The following KBTBD12 variants were observed in gnomAD, a reference collection of about 807,000 sequenced individuals.
KBTBD12 encodes kelch repeat and BTB domain-containing protein 12.
Under a neutral mutation model 58.7 loss-of-function variants are expected in KBTBD12, and 53 were observed. The ratio of observed to expected loss-of-function variants is 0.90; its 90% confidence interval spans 0.72 to 1.14. KBTBD12 has a LOEUF of 1.14. Ranked by LOEUF, KBTBD12 falls within the 50% of genes most tolerant of loss-of-function variation. KBTBD12 has a pLI of 0.00. For synonymous variants in KBTBD12, 236 were observed against 259.8 expected (o/e 0.91, Z 0.88); for missense variants, 704 against 751.3 (o/e 0.94, Z 0.74).
rs1188704455 is a variant in KBTBD12 at position 127,975,066 on chromosome 3, G to C, written c.1691-9031G>C. Reference sequence around the variant, plus strand: ...TTTGAGTGCAAATAGTTTTTTGATGGGAAAGTGCTTCCAGGAGGCTACTAA... The same window carrying C: ...TTTGAGTGCAAATAGTTTTTTGATGCGAAAGTGCTTCCAGGAGGCTACTAA... On this transcript the variant is annotated intron_variant, in intron 5 of 5. Transcript: ENST00000405109. Among the ~76,000 whole-genome samples, 3 of 152,304 alleles carry C rather than the reference G, an allele frequency of 2.0e-5. No individual in the cohort carries two copies. The East Asian group carries it at 5.8e-4, about 29-fold the overall frequency.
chr3:127,970,449 A>G (rs1182378601), intron 5 of KBTBD12, among the ~76,000 whole-genome samples: 1 of 152,226 alleles, frequency 6.6e-6, no homozygotes, highest in African/African-American at 2.4e-5. Context: ...TTGAAAATAT[A>G]TGCCCACCCT....
intron 5 of KBTBD12, among the ~76,000 whole-genome samples, chr3:127,982,482 T>G (rs1940890347): frequency 6.6e-6 from 1 of 152,034 alleles, no homozygotes; most frequent in African/African-American, 2.4e-5. Flanking sequence ...CTGAAATTAT[T>G]CAAACCAGCC....
In KBTBD12 at chr3:127,986,396, G is replaced by A. The variant is rs115907249; in HGVS notation, c.*2118G>A. ...TATCATCACTGTCATTATCATTGCA[G>A]TCAGCACTTCCCAAAGCAAGGTGCC... On this transcript the variant is annotated 3_prime_UTR_variant, in exon 6 of 6. Transcript: ENST00000405109. The A allele has an allele frequency of 0.016, 2,434 of 152,538 alleles. 22 individuals carry two copies. The highest frequency in any genetic ancestry group is 0.023 in the Non-Finnish European group (1,579 of 68,012). The allele number at this position is 152,538 out of a possible 1,614,324, so 9.4% of individuals were successfully genotyped here. A position where few individuals can be genotyped will look rare whatever the true frequency, so the allele number is the denominator to read the frequency against.
intron 4 of KBTBD12, among the ~76,000 whole-genome samples, chr3:127,936,970 G>A (rs1012100676): frequency 2.6e-5 from 4 of 152,108 alleles, no homozygotes; most frequent in African/African-American, 9.7e-5. Context: ...GAAAAAGCTT[G>A]AATCATGAAT....
Position 127,918,777 on chromosome 3 carries a change from G to C in KBTBD12, c.-113+3191G>C, listed in dbSNP as rs551340977. On this transcript the variant is annotated intron_variant, in intron 1 of 5. Coordinates refer to ENST00000405109, the MANE Select transcript of KBTBD12 (RefSeq NM_207335.4). ...AAGGCCCATATGCGTTAGAACTGTA[G>C]TAGTTTGGTACTACTCAAAGATTGA... Among the ~76,000 whole-genome samples, 14 of 152,134 alleles carry C rather than the reference G, an allele frequency of 9.2e-5. No homozygotes were observed. The East Asian group carries it at 9.7e-4, about 10-fold the overall frequency.
intron 3 of KBTBD12, among the ~76,000 whole-genome samples, chr3:127,929,429 G>T (rs191085008): frequency 6.6e-6 from 1 of 152,206 alleles, no homozygotes; most frequent in East Asian, 1.9e-4. Context: ...GTCATATTAA[G>T]TTCCACATAC....
intron 4 of KBTBD12, among the ~76,000 whole-genome samples, chr3:127,942,593 T>C (rs1393143856): frequency 6.6e-6 from 1 of 150,506 alleles, no homozygotes; most frequent in Non-Finnish European, 1.5e-5. Context: ...TTGTGAATGC[T>C]GCAATGAAGA....
intron 5 of KBTBD12, among the ~76,000 whole-genome samples, chr3:127,979,763 A>G (rs1940843120): frequency 6.6e-6 from 1 of 152,224 alleles, no homozygotes; most frequent in Non-Finnish European, 1.5e-5. Context: ...TCATAGATAT[A>G]TAGAATCCTC....
chr3:127,969,283 G>C (rs1940641666), intron 5 of KBTBD12, among the ~76,000 whole-genome samples: 1 of 151,584 alleles, frequency 6.6e-6, no homozygotes. Context: ...CACTTACAAT[G>C]AACAATTAAA....
At chr3:127,972,100 C>A (rs578066729) in intron 5 of KBTBD12, among the ~76,000 whole-genome samples, 1 of 152,292 alleles carries the variant, frequency 6.6e-6, no homozygotes, top group Non-Finnish European at 1.5e-5. Context: ...CTGACAGTTA[C>A]CTGGTTACCC....
chr3:127,947,105 G>A (rs754557980), intron 4 of KBTBD12, among the ~76,000 whole-genome samples: 1 of 151,840 alleles, frequency 6.6e-6, no homozygotes, highest in Non-Finnish European at 1.5e-5. Context: ...TCACAAGTCT[G>A]CTTCTGTTAT....
intron 1 of KBTBD12, among the ~76,000 whole-genome samples, chr3:127,916,868 C>G (rs1939256005): frequency 1.3e-5 from 2 of 152,184 alleles, no homozygotes; most frequent in African/African-American, 4.8e-5. Context: ...CATAGTGCAT[C>G]ACGCTATAAG....
At chr3:127,972,364 G>A (rs991183435) in intron 5 of KBTBD12, among the ~76,000 whole-genome samples, 1 of 152,150 alleles carries the variant, frequency 6.6e-6, no homozygotes, top group Admixed American at 6.5e-5. Context: ...TGGGGCCTGG[G>A]CATCAATATT....
intron 4 of KBTBD12, among the ~76,000 whole-genome samples, chr3:127,958,512 T>G (rs537900961): frequency 1.3e-5 from 2 of 152,290 alleles, no homozygotes; most frequent in South Asian, 4.2e-4. Context: ...TAAGACCCAG[T>G]GCTGGGTTGA....
intron 4 of KBTBD12, among the ~76,000 whole-genome samples, chr3:127,936,288 C>G (rs1168115412): frequency 6.6e-6 from 1 of 151,938 alleles, no homozygotes; most frequent in Admixed American, 6.6e-5. Context: ...ATCTCTTGAA[C>G]CCGGGAGACA....
At chr3:127,935,617 G>A (rs1939813033) in intron 4 of KBTBD12, among the ~76,000 whole-genome samples, 1 of 151,990 alleles carries the variant, frequency 6.6e-6, no homozygotes, top group Non-Finnish European at 1.5e-5. Flanking sequence ...AAAAGAAAAT[G>A]ATGCACTTAA....
intron 4 of KBTBD12, among the ~76,000 whole-genome samples, chr3:127,948,128 G>T (rs952379717): frequency 1.3e-5 from 2 of 152,218 alleles, no homozygotes; most frequent in African/African-American, 4.8e-5. Flanking sequence ...CCTCAAAGAG[G>T]TTAAGTACCT....
chr3:127,978,041 A>G (rs1466403502), intron 5 of KBTBD12, among the ~76,000 whole-genome samples: 1 of 152,230 alleles, frequency 6.6e-6, no homozygotes, highest in Non-Finnish European at 1.5e-5. Flanking sequence ...AATATTCTGC[A>G]TATGGCTAGC....
At position 127,923,765 on chromosome 3, in the gene KBTBD12, G is replaced by A; in HGVS notation, c.704G>A (p.Arg235Lys). 1.2e-6 allele frequency: 2 copies of A among 1,613,860 alleles called. No homozygotes were observed. The highest frequency in any genetic ancestry group is 1.7e-6 in the Non-Finnish European group (2 of 1,179,786). ...CCTTCTTTTTTAAGACAAGCCCTAA[G>A]AAGGAACACAATGCTTCTGTGTGAT... is the stretch of plus-strand genomic sequence containing the variant. The part of the protein sequence containing the change: ...VNPSFLRQAL[R>K]RNTMLLCDAD... The change falls in exon 2 of 6, where the codon AGA becomes AAA. Residue 235 changes from arginine (R) to lysine (K), a missense_variant. Arg to Lys is a conservative substitution (Grantham distance 26). Transcript: ENST00000405109.
Sources: gnomAD v4.1 joint callset for allele counts (sites outside exome capture counted in the v4.1 genomes callset) on GRCh38, gnomAD v4.1.1 for gene constraint, MANE v1.5 for transcripts, NCBI Gene and HGNC (gene_info 2026-07-23, HGNC 2026-07-21) for gene names.